The following ZNF385B variants were observed in gnomAD, a reference collection of about 807,000 sequenced individuals.
The protein encoded by ZNF385B is zinc finger protein 533.
A neutral mutation model predicts 39.2 loss-of-function variants in ZNF385B; 23 were observed. The observed-to-expected ratio is 0.59, with a 90% CI of 0.42 to 0.83. ZNF385B has a LOEUF of 0.83. Among genes scored for constraint, ZNF385B ranks in the 40% least tolerant of loss-of-function variants. ZNF385B has a pLI of 0.00. For synonymous variants in ZNF385B, 205 were observed against 222.6 expected (o/e 0.92, Z 0.70); for missense variants, 552 against 598.9 (o/e 0.92, Z 0.82).
chr2:179,491,526 T>C (rs1463598968), intron 5 of ZNF385B, among the ~76,000 whole-genome samples: 1 of 152,122 alleles, frequency 6.6e-6, no homozygotes, highest in Non-Finnish European at 1.5e-5. Context: ...AGTGAGAAAA[T>C]GAGTTCTCTG....
At chr2:179,579,146 C>T (rs3106716) in intron 3 of ZNF385B, among the ~76,000 whole-genome samples, 91,810 of 151,886 alleles carry the variant, frequency 0.6, 28,581 homozygotes, top group East Asian at 0.9. Flanking sequence ...TAGAATTAGA[C>T]TAATAGAAAA....
At chr2:179,655,086 G>T (rs145220521) in intron 3 of ZNF385B, among the ~76,000 whole-genome samples, 32 of 152,302 alleles carry the variant, frequency 2.1e-4, no homozygotes, top group African/African-American at 7.7e-4. Flanking sequence ...GAAAGGTTTT[G>T]AATAATTGTA....
At chr2:179,540,925 G>C (rs2059882425) in intron 4 of ZNF385B, among the ~76,000 whole-genome samples, 1 of 152,190 alleles carries the variant, frequency 6.6e-6, no homozygotes, top group Non-Finnish European at 1.5e-5. Flanking sequence ...GTTGAAGGTG[G>C]GGTAGCAATG....
chr2:179,461,343 C>T (rs759508664), intron 6 of ZNF385B, among the ~76,000 whole-genome samples: 16 of 152,166 alleles, frequency 1.1e-4, no homozygotes, highest in Non-Finnish European at 2.1e-4. Context: ...GAAACGACTG[C>T]AGTTGCCCAT....
chr2:179,632,410 C>A (rs1273629077), intron 3 of ZNF385B, among the ~76,000 whole-genome samples: 1 of 152,196 alleles, frequency 6.6e-6, no homozygotes, highest in East Asian at 1.9e-4. Context: ...CTCAAAACCA[C>A]ACAATTACAT....
At chr2:179,465,964 C>T (rs1208953940) in intron 6 of ZNF385B, among the ~76,000 whole-genome samples, 1 of 152,010 alleles carries the variant, frequency 6.6e-6, no homozygotes, top group African/African-American at 2.4e-5. Context: ...TAAGGAATGT[C>T]CAATTCAAGG....
At chr2:179,617,940 T>A (rs776948435) in intron 3 of ZNF385B, among the ~76,000 whole-genome samples, 1 of 152,316 alleles carries the variant, frequency 6.6e-6, no homozygotes, top group African/African-American at 2.4e-5. Flanking sequence ...GCATTAGCTA[T>A]GCTAGGAGCC....
intron 6 of ZNF385B, among the ~76,000 whole-genome samples, chr2:179,454,141 T>C (rs954548990): frequency 2.0e-5 from 3 of 152,174 alleles, no homozygotes; most frequent in Non-Finnish European, 2.9e-5. Context: ...TATCTGACAA[T>C]GTCTTTGAGG....
At chr2:179,683,598 C>A (rs1697700087) in intron 3 of ZNF385B, among the ~76,000 whole-genome samples, 1 of 151,782 alleles carries the variant, frequency 6.6e-6, no homozygotes, top group Non-Finnish European at 1.5e-5. Flanking sequence ...GCCTCAGTCT[C>A]CCGAGTAGCT....
chr2:179,860,621 T>A (rs1194432920), intron 1 of ZNF385B, among the ~76,000 whole-genome samples: 1 of 151,934 alleles, frequency 6.6e-6, no homozygotes, highest in African/African-American at 2.4e-5. Context: ...GCTGCAGAAC[T>A]CTCCCACGAC....
chr2:179,814,654 C>T lies in ZNF385B; in HGVS notation c.-154-43982G>A, dbSNP rs556305157. Reference sequence around the variant, plus strand: ...GACCTGGTCTTGTCCCCAAAAACTACTCCACCAAGTCCAGATACTGAAGCG... The same window carrying T: ...GACCTGGTCTTGTCCCCAAAAACTATTCCACCAAGTCCAGATACTGAAGCG... On this transcript the variant is annotated intron_variant, in intron 1 of 9. Transcript: ENST00000410066. 148 of 421,370 alleles carry T rather than the reference C, an allele frequency of 3.5e-4. 1 individual carries two copies. Among genetic ancestry groups the T allele is most frequent in the Non-Finnish European group, 5.4e-4 (119 of 219,822 alleles). 26.1% of individuals were successfully genotyped at this position (421,370 alleles called of 1,614,324 possible). A position where few individuals can be genotyped will look rare whatever the true frequency, so the allele number is the denominator to read the frequency against.
intron 6 of ZNF385B, among the ~76,000 whole-genome samples, chr2:179,473,324 T>C (rs982671287): frequency 3.9e-5 from 6 of 152,224 alleles, no homozygotes; most frequent in Admixed American, 3.3e-4. Context: ...CAGGTCACTG[T>C]TGCATGCCAG....
chr2:179,740,767 C>A lies in ZNF385B; in HGVS notation c.298+28736G>T, dbSNP rs370698815. On this transcript the variant is annotated intron_variant, in intron 3 of 9. Transcript: ENST00000410066. Reference sequence around the variant, plus strand: ...GCATAGTTTAAATACAAGAAAAGGCCACCAACATCAGTTTAAACTAGTAGA... The same window carrying A: ...GCATAGTTTAAATACAAGAAAAGGCAACCAACATCAGTTTAAACTAGTAGA... Among the ~76,000 whole-genome samples the A allele has an allele frequency of 2.0e-5, 3 of 152,156 alleles. No individual in the cohort carries two copies. The East Asian group carries it at 5.8e-4, about 29-fold the overall frequency.
At chr2:179,787,436 T>A (rs1705072203) in intron 1 of ZNF385B, among the ~76,000 whole-genome samples, 1 of 152,104 alleles carries the variant, frequency 6.6e-6, no homozygotes, top group Admixed American at 6.6e-5. Context: ...TATCTCTTAA[T>A]ATTGGTATAG....
intron 9 of ZNF385B, 63 bp from the exon 10 acceptor site, chr2:179,443,531 G>T: frequency 7.8e-7 from 1 of 1,280,398 alleles, no homozygotes; most frequent in Non-Finnish European, 1.1e-6. Flanking sequence ...AGCACCACAG[G>T]CATCTTTTCA....
chr2:179,642,559 AC>A (rs1692363480), intron 3 of ZNF385B, among the ~76,000 whole-genome samples: 2 of 152,138 alleles, frequency 1.3e-5, no homozygotes, highest in South Asian at 4.1e-4. Flanking sequence ...TAGTCTGTAG[AC>A]CCTGAAGGGT....
At chr2:179,720,922 G>T in intron 3 of ZNF385B, among the ~76,000 whole-genome samples, 1 of 140,790 alleles carries the variant, frequency 7.1e-6, no homozygotes, top group Admixed American at 7.2e-5. Flanking sequence ...ACCATGCCTG[G>T]CTGTTTTTTT....
intron 1 of ZNF385B, among the ~76,000 whole-genome samples, chr2:179,848,660 G>T (rs1708924759): frequency 6.6e-6 from 1 of 152,166 alleles, no homozygotes; most frequent in Non-Finnish European, 1.5e-5. Context: ...AGTAACATTT[G>T]TGTCTTCCAT....
intron 6 of ZNF385B, among the ~76,000 whole-genome samples, chr2:179,471,618 C>T (rs2052778976): frequency 6.6e-6 from 1 of 152,184 alleles, no homozygotes; most frequent in Non-Finnish European, 1.5e-5. Context: ...TATTTATACT[C>T]TTCACCACTT....
Sources: allele counts gnomAD v4.1 joint callset (sites outside exome capture counted in the v4.1 genomes callset), GRCh38; gene constraint gnomAD v4.1.1; transcripts MANE v1.5; gene names NCBI Gene and HGNC (gene_info 2026-07-23, HGNC 2026-07-21).